Variants in MOB1B observed in about 807,000 individuals in gnomAD.
MOB1B encodes the protein MOB1 Mps One Binder homolog B.
Under a neutral mutation model 24.4 loss-of-function variants are expected in MOB1B, and 19 were observed. The ratio of observed to expected loss-of-function variants is 0.78; its 90% CI spans 0.54 to 1.14. The LOEUF is 1.14. MOB1B is among the 50% of genes most tolerant of loss of function. The pLI, the probability that MOB1B is intolerant of heterozygous loss-of-function variation, is 0.00. For synonymous variants in MOB1B, 76 were observed against 82.1 expected, an observed-to-expected ratio of 0.93 and a Z score of 0.40; for missense variants, 243 against 259.6, an observed-to-expected ratio of 0.94 and a Z score of 0.44.
At chr4:70,958,266 G>A (rs1738152442) in intron 1 of MOB1B, among the ~76,000 whole-genome samples, 1 of 151,680 alleles carries the variant, frequency 6.6e-6, no homozygotes, top group Non-Finnish European at 1.5e-5. Context: ...CCGAGTTCAA[G>A]CGATTCTCCT....
At position 70,908,817 on chromosome 4, in the gene MOB1B, T is replaced by C. The variant is rs543736639; in HGVS notation, c.14+6267T>C. Among the ~76,000 whole-genome samples the C allele has an allele frequency of 5.8e-3, 873 of 150,240 alleles. 2 individuals are homozygous for C. Among genetic ancestry groups the C allele is most frequent in the Non-Finnish European group, 9.4e-3 (640 of 67,740 alleles). Reference sequence around the variant, plus strand: ...GCAATTTAGCAGCACTTTGGGAGGCTGAGGCGGGTGGATCATGAGGTCAGG... The same window carrying C: ...GCAATTTAGCAGCACTTTGGGAGGCCGAGGCGGGTGGATCATGAGGTCAGG... On this transcript the variant is annotated intron_variant, in intron 1 of 5. Transcript: ENST00000309395.
chr4:70,914,161 G>A (rs1736107160), intron 1 of MOB1B, among the ~76,000 whole-genome samples: 1 of 152,124 alleles, frequency 6.6e-6, no homozygotes, highest in African/African-American at 2.4e-5. Flanking sequence ...ATTTACGAGG[G>A]CTTCACCAGA....
At chr4:70,940,863 A>G (rs372911452) in intron 1 of MOB1B, among the ~76,000 whole-genome samples, 1 of 151,608 alleles carries the variant, frequency 6.6e-6, no homozygotes, top group Non-Finnish European at 1.5e-5. Context: ...TTTAGTAGAG[A>G]CAGGGTTTCT....
chr4:70,959,043 A>G lies in MOB1B; in HGVS notation c.181+3A>G, dbSNP rs1427420985. ...CAATGAATGGGTTGCAGTTAACAGT[A>G]AGTAGCCTTTTTATTTCTCAGTAGC... On this transcript the variant is annotated splice_donor_region_variant and intron_variant, in intron 2 of 5. Coordinates refer to ENST00000309395, the MANE Select transcript of MOB1B (RefSeq NM_173468.4). The G allele has an allele frequency of 1.9e-6, 3 of 1,613,076 alleles. No individual in the cohort carries two copies. Among genetic ancestry groups the G allele is most frequent in the Non-Finnish European group, 2.5e-6 (3 of 1,179,482 alleles).
intron 1 of MOB1B, among the ~76,000 whole-genome samples, chr4:70,939,156 AAC>A (rs1187223473): frequency 9.2e-5 from 14 of 152,358 alleles, no homozygotes; most frequent in African/African-American, 3.4e-4. Context: ...ACTTAGACAC[AAC>A]ACAATTGCAA....
At chr4:70,920,460 G>T (rs994209334) in intron 1 of MOB1B, among the ~76,000 whole-genome samples, 2 of 152,180 alleles carry the variant, frequency 1.3e-5, no homozygotes, top group Non-Finnish European at 2.9e-5. Flanking sequence ...CCTGACCTCA[G>T]GTGATCTGCC....
chr4:70,967,548 T>C (rs1738583919), intron 2 of MOB1B, among the ~76,000 whole-genome samples: 1 of 152,190 alleles, frequency 6.6e-6, no homozygotes, highest in South Asian at 2.1e-4. Flanking sequence ...AATATGTTGA[T>C]TGTTCTGAAA....
intron 1 of MOB1B, among the ~76,000 whole-genome samples, chr4:70,904,013 G>T (rs1019000609): frequency 1.9e-5 from 2 of 107,834 alleles, no homozygotes; most frequent in African/African-American, 3.6e-5. Flanking sequence ...CGGAGTCTCC[G>T]CTCTGTCACC....
chr4:70,981,808 G>GCTTA (rs1739221797), intron 5 of MOB1B, among the ~76,000 whole-genome samples, 172 bp from the exon 6 acceptor site: 1 of 152,148 alleles, frequency 6.6e-6, no homozygotes, highest in African/African-American at 2.4e-5. Context: ...ATAACATCAG[G>GCTTA]AGTGCTTAAG....
chr4:70,935,664 T>G lies in MOB1B; in HGVS notation c.15-23210T>G, dbSNP rs952660467. ...GCTAAGTTAACCATTATACTCTTTT[T>G]TTTTTTCTTTTGAGACAGGGTCTTA... On this transcript the variant is annotated intron_variant, in intron 1 of 5. Transcript: ENST00000309395. 7.9e-5 allele frequency among the ~76,000 whole-genome samples: 12 copies of G among 151,918 alleles called. No homozygotes were observed. In the East Asian group the frequency reaches 9.7e-4, roughly 12 times the overall value.
intron 2 of MOB1B, among the ~76,000 whole-genome samples, chr4:70,961,637 T>C (rs988400908): frequency 6.6e-6 from 1 of 152,194 alleles, no homozygotes; most frequent in Admixed American, 6.5e-5. Flanking sequence ...GACTGAAGCA[T>C]TAGAACATCT....
intron 1 of MOB1B, among the ~76,000 whole-genome samples, chr4:70,920,943 A>G (rs1048553282): frequency 2.0e-5 from 3 of 152,222 alleles, no homozygotes; most frequent in Admixed American, 2.0e-4. Context: ...AATTCCAGAT[A>G]AATGGAACAA....
intron 1 of MOB1B, among the ~76,000 whole-genome samples, chr4:70,938,834 A>G (rs935618803): frequency 2.7e-5 from 4 of 148,802 alleles, no homozygotes; most frequent in African/African-American, 5.0e-5. Context: ...CTGGAGTGCA[A>G]TGGCATAGTC....
chr4:70,929,654 T>G (rs1384657168), intron 1 of MOB1B, among the ~76,000 whole-genome samples: 6 of 150,788 alleles, frequency 4.0e-5, no homozygotes, highest in East Asian at 2.0e-4. Context: ...CTAATTTTTT[T>G]TTTTTTTTTG....
At chr4:70,946,569 C>T (rs921048605) in intron 1 of MOB1B, among the ~76,000 whole-genome samples, 3 of 152,082 alleles carry the variant, frequency 2.0e-5, no homozygotes, top group Non-Finnish European at 2.9e-5. Context: ...TTTATTTATA[C>T]GCATGTAAGT....
At chr4:70,975,122 C>T in intron 3 of MOB1B, 31 bp from the exon 4 acceptor site, 1 of 1,558,480 alleles carries the variant, frequency 6.4e-7, no homozygotes, top group Non-Finnish European at 8.7e-7. Flanking sequence ...ATATACTAAT[C>T]TTCTGTGTGC....
At chr4:70,955,070 G>A (rs1486271929) in intron 1 of MOB1B, among the ~76,000 whole-genome samples, 4 of 152,216 alleles carry the variant, frequency 2.6e-5, no homozygotes, top group Non-Finnish European at 5.9e-5. Context: ...ACAGGCATGA[G>A]CCACTGTGCC....
chr4:70,910,976 T>C (rs574194417), intron 1 of MOB1B, among the ~76,000 whole-genome samples: 2 of 152,246 alleles, frequency 1.3e-5, no homozygotes, highest in East Asian at 1.9e-4. Context: ...TTAGTATGGA[T>C]GGGGTTTCAC....
intron 1 of MOB1B, among the ~76,000 whole-genome samples, chr4:70,911,454 TA>T (rs1169426530): frequency 1.3e-5 from 2 of 152,112 alleles, no homozygotes; most frequent in Non-Finnish European, 2.9e-5. Context: ...TAATATGTTG[TA>T]TTTTTGAGGG....
Sources: allele counts gnomAD v4.1 joint callset (sites outside exome capture counted in the v4.1 genomes callset), GRCh38; gene constraint gnomAD v4.1.1; transcripts MANE v1.5; gene names NCBI Gene and HGNC (gene_info 2026-07-23, HGNC 2026-07-21).